The following FHOD3 variants were observed in gnomAD, a reference collection of about 807,000 sequenced individuals.
FHOD3 encodes the protein FH1/FH2 domain-containing protein 3.
In FHOD3, 90 loss-of-function variants were observed where a neutral mutation model predicts 173.0. The ratio of observed to expected loss-of-function variants is 0.52; its 90% CI spans 0.44 to 0.62. The LOEUF (loss-of-function observed/expected upper bound fraction) is 0.62. FHOD3 is among the 20% of genes least tolerant of loss of function. The pLI, the probability that FHOD3 is intolerant of heterozygous loss-of-function variation, is 0.00. For missense variants in FHOD3, 1,945 were observed against 2,034.7 expected (o/e 0.96, Z 0.85); for synonymous variants, 828 against 823.0 (o/e 1.01, Z -0.10).
intron 1 of FHOD3, among the ~76,000 whole-genome samples, chr18:36,298,698 T>C (rs1353814113): frequency 6.7e-6 from 1 of 150,326 alleles, no homozygotes; most frequent in East Asian, 1.9e-4. Flanking sequence ...AAGCCTCAGC[T>C]TGGCAGCCCG....
intron 3 of FHOD3, among the ~76,000 whole-genome samples, chr18:36,388,730 T>G (rs1284350401): frequency 2.6e-5 from 4 of 152,136 alleles, no homozygotes; most frequent in African/African-American, 9.7e-5. Context: ...CAGAAGGAGT[T>G]TATACCAAAA....
chr18:36,763,793 A>C (rs1009259402), intron 27 of FHOD3, among the ~76,000 whole-genome samples: 12 of 152,128 alleles, frequency 7.9e-5, no homozygotes, highest in Non-Finnish European at 1.5e-4. Context: ...ACTGAGGCAC[A>C]GATGACAGGG....
At chr18:36,665,114 TA>T (rs2037090847) in intron 14 of FHOD3, among the ~76,000 whole-genome samples, 1 of 152,184 alleles carries the variant, frequency 6.6e-6, no homozygotes, top group South Asian at 2.1e-4. Context: ...TGTATATTGC[TA>T]GATCACTGAA....
At chr18:36,496,489 A>G (rs2054750317) in intron 3 of FHOD3, among the ~76,000 whole-genome samples, 1 of 152,200 alleles carries the variant, frequency 6.6e-6, no homozygotes, top group Non-Finnish European at 1.5e-5. Flanking sequence ...ACAGAATAAG[A>G]TAGGTTTAGG....
At chr18:36,527,533 C>G (rs115306609) in intron 5 of FHOD3, among the ~76,000 whole-genome samples, 2 of 152,188 alleles carry the variant, frequency 1.3e-5, no homozygotes, top group Non-Finnish European at 2.9e-5. Flanking sequence ...GGTTTTGTAT[C>G]GTTTCTTCTC....
Position 36,718,595 on chromosome 18 carries a change from A to G in FHOD3, c.3297A>G (p.Pro1099=). ...ATGAAGTTCGGCCTTTTGACTGGCC[A>G]TGTAAAAACAACCGACGCTGCAGAG... ...FWNEVRPFDW[P]CKNNRRCREF... is the part of the protein sequence containing the mutation. The change falls in exon 19 of 29, where the codon CCA becomes CCG. Residue 1099 remains proline (P), a synonymous_variant. Coordinates refer to ENST00000590592, the MANE Select transcript of FHOD3 (RefSeq NM_001281740.3). 1.2e-6 allele frequency: 2 copies of G among 1,614,190 alleles called. No individual in the cohort carries two copies. The highest frequency in any genetic ancestry group is 1.7e-6 in the Non-Finnish European group (2 of 1,180,044).
At chr18:36,320,365 A>C (rs927421655) in intron 1 of FHOD3, among the ~76,000 whole-genome samples, 1 of 152,222 alleles carries the variant, frequency 6.6e-6, no homozygotes, top group Non-Finnish European at 1.5e-5. Context: ...CCTCTATGCA[A>C]ATAAACTAGA....
intron 1 of FHOD3, among the ~76,000 whole-genome samples, chr18:36,333,468 G>C (rs2045130232): frequency 6.6e-6 from 1 of 152,236 alleles, no homozygotes; most frequent in Non-Finnish European, 1.5e-5. Flanking sequence ...CTAATCCAGA[G>C]GAATGTACAA....
At chr18:36,556,271 T>C (rs952178413) in intron 5 of FHOD3, among the ~76,000 whole-genome samples, 5 of 152,178 alleles carry the variant, frequency 3.3e-5, no homozygotes, top group Non-Finnish European at 5.9e-5. Flanking sequence ...GGTCCACTTA[T>C]ATATGAATTT....
At chr18:36,716,908 A>ATGTGTG (rs1345159982) in intron 18 of FHOD3, among the ~76,000 whole-genome samples, 20 of 135,344 alleles carry the variant, frequency 1.5e-4, no homozygotes, top group African/African-American at 6.2e-4. Context: ...GAAATTATAT[A>ATGTGTG]TGTGTATGTG....
At chr18:36,421,213 GATTAGGGTAGCTTGCCACA>G (rs1326043463) in intron 3 of FHOD3, among the ~76,000 whole-genome samples, 1 of 152,194 alleles carries the variant, frequency 6.6e-6, no homozygotes, top group African/African-American at 2.4e-5. Flanking sequence ...TGGAAATATG[GATTAGGGTAGCTTGCCACA>G]ATGATAGTCA....
intron 17 of FHOD3, among the ~76,000 whole-genome samples, chr18:36,694,872 G>T (rs940101153): frequency 6.6e-6 from 1 of 152,042 alleles, no homozygotes; most frequent in South Asian, 2.1e-4. Flanking sequence ...AATTTCTTAC[G>T]TATTTGATTG....
At chr18:36,684,458 G>T (rs779527270) in intron 15 of FHOD3, among the ~76,000 whole-genome samples, 28 of 151,526 alleles carry the variant, frequency 1.8e-4, no homozygotes, top group Non-Finnish European at 3.5e-4. Context: ...GGAAGTAAGG[G>T]CAAATACTCT....
intron 20 of FHOD3, 140 bp downstream of exon 20, chr18:36,730,944 T>A: frequency 1.1e-6 from 1 of 908,278 alleles, no homozygotes; most frequent in Non-Finnish European, 1.6e-6. Context: ...TTCTTACACG[T>A]GTTAAACTTT....
chr18:36,753,989 A>G (rs11660592), intron 24 of FHOD3, among the ~76,000 whole-genome samples: 19,171 of 152,126 alleles, frequency 0.13, 1,368 homozygotes, highest in Admixed American at 0.16. Context: ...TATCTTTTAG[A>G]TTGTCTTTTT....
At position 36,600,318 on chromosome 18, in the gene FHOD3, G is replaced by A. The variant is rs61358698; in HGVS notation, c.719-2356G>A. Among the ~76,000 whole-genome samples, 2,281 of 148,456 alleles carry A rather than the reference G, an allele frequency of 0.015. 116 individuals are homozygous for A. The South Asian group carries it at 0.16, about 10-fold the overall frequency. ...GCACACATACACACACACATTGTGG[G>A]GAGTTAACAAAGGCAATGAGGAGAG... is the stretch of plus-strand genomic sequence containing the variant. On this transcript the variant is annotated intron_variant, in intron 7 of 28. Coordinates refer to ENST00000590592, the MANE Select transcript of FHOD3 (RefSeq NM_001281740.3).
intron 14 of FHOD3, among the ~76,000 whole-genome samples, chr18:36,663,090 A>G (rs1397429771): frequency 6.6e-6 from 1 of 151,478 alleles, no homozygotes; most frequent in African/African-American, 2.4e-5. Context: ...AATCTTTTCT[A>G]TTTTCATGAT....
intron 13 of FHOD3, among the ~76,000 whole-genome samples, chr18:36,656,765 A>G (rs528911292): frequency 6.6e-6 from 1 of 152,272 alleles, no homozygotes; most frequent in East Asian, 1.9e-4. Context: ...CACTTATAAA[A>G]TTGGTAATCA....
At chr18:36,347,539 T>G (rs559141573) in intron 1 of FHOD3, among the ~76,000 whole-genome samples, 22 of 152,328 alleles carry the variant, frequency 1.4e-4, no homozygotes, top group Admixed American at 3.9e-4. Flanking sequence ...AGAACATAAC[T>G]TATTAAATAT....
Sources: gnomAD v4.1 joint callset for allele counts (sites outside exome capture counted in the v4.1 genomes callset) on GRCh38, gnomAD v4.1.1 for gene constraint, MANE v1.5 for transcripts, NCBI Gene and HGNC (gene_info 2026-07-23, HGNC 2026-07-21) for gene names.